The following ULK1 variants were observed in gnomAD, a reference collection of about 807,000 sequenced individuals.
ULK1 encodes unc-51 like autophagy activating kinase 1.
A neutral mutation model predicts 117.5 loss-of-function variants in ULK1; 48 were observed. That is an observed-to-expected ratio of 0.41 (90% CI 0.32 to 0.52). ULK1 has a LOEUF of 0.52. Among genes scored for constraint, ULK1 ranks in the 20% least tolerant of loss-of-function variants. The pLI is 0.29. For missense variants in ULK1, 1,387 were observed against 1,473.4 expected (o/e 0.94, Z 0.96); for synonymous variants, 790 against 637.8 (o/e 1.24, Z -3.60).
At position 131,920,010 on chromosome 12, in the gene ULK1, C is replaced by T. The variant is rs371956747; in HGVS notation, c.2835C>T (p.Ala945=). 9.3e-6 allele frequency: 15 copies of T among 1,612,850 alleles called. No homozygotes were observed. The highest frequency in any genetic ancestry group is 1.1e-5 in the Non-Finnish European group (13 of 1,179,956). The part of the protein sequence containing the change: ...VVRRLNELYK[A]SVVSCQGLSL... ...GCAGGCTGAATGAGCTGTACAAGGC[C>T]AGCGTGGTGTCCTGCCAGGGCCTGA... Residue 945 remains alanine (A), a synonymous_variant, in exon 26 of 28, where the codon GCC becomes GCT. Transcript: ENST00000321867.
Position 131,915,063 on chromosome 12 carries a change from A to T in ULK1, c.1374-20A>T. ...CAGGGCTGCTGAGGCCTCCCCTCCT[A>T]ATATCTGCCTTGTCTTCAGGTCCTC... On this transcript the variant is annotated intron_variant, in intron 16 of 27. Coordinates refer to ENST00000321867, the MANE Select transcript of ULK1 (RefSeq NM_003565.4). The T allele has an allele frequency of 1.3e-6, 2 of 1,524,776 alleles. No homozygotes were observed. Among genetic ancestry groups the T allele is most frequent in the African/African-American group, 2.8e-5 (2 of 72,186 alleles). The allele number at this position is 1,524,776 out of a possible 1,614,324, so 94.5% of individuals were successfully genotyped here.
intron 26 of ULK1, 123 bp from the exon 27 acceptor site, chr12:131,920,977 C>T: frequency 7.5e-7 from 1 of 1,340,968 alleles, no homozygotes. Context: ...GCACTTATGT[C>T]TCCACGTCAC....
At chr12:131,910,153 G>T (rs1189386636) in intron 10 of ULK1, 101 bp from the exon 11 acceptor site, 3 of 1,577,506 alleles carry the variant, frequency 1.9e-6, no homozygotes, top group Non-Finnish European at 2.6e-6. Flanking sequence ...CCTCCGCCCG[G>T]GCAGGTGCCC....
chr12:131,894,972 C>G lies in ULK1; in HGVS notation c.-30C>G. 8.3e-7 allele frequency: 1 copy of G among 1,209,954 alleles called. No individual in the cohort carries two copies. Among genetic ancestry groups the G allele is most frequent in the South Asian group, 2.0e-5 (1 of 50,602 alleles). The allele number at this position is 1,209,954 out of a possible 1,614,324, so 75.0% of individuals were successfully genotyped here. ...TCCCCCGCGCCTTGGCCCGCCACCC[C>G]CCGCCCCGCGCCCCCGGCCCGCCTG... On this transcript the variant is annotated 5_prime_UTR_variant, in exon 1 of 28. Coordinates refer to ENST00000321867, the MANE Select transcript of ULK1 (RefSeq NM_003565.4).
intron 18 of ULK1, 91 bp downstream of exon 18, chr12:131,915,512 T>C: frequency 1.4e-6 from 2 of 1,444,608 alleles, no homozygotes; most frequent in Non-Finnish European, 1.9e-6. Flanking sequence ...TCTTTCCAAG[T>C]GAAAAGGAGT....
At chr12:131,910,455 C>A in intron 11 of ULK1, 151 bp downstream of exon 11, 2 of 1,362,050 alleles carry the variant, frequency 1.5e-6, no homozygotes, top group South Asian at 1.2e-5. Context: ...GCTCCTTGCT[C>A]TGCTGCAGCG....
In ULK1 at chr12:131,917,117, A is replaced by ACGGGGGTCGGG. The variant is rs1430092045; in HGVS notation, c.2182+55_2182+56insCGGGGGTCGGG. ...TGGGATGGGGGTCGGAGGCTGTGGGATGGGGGTCGGAGGCTGTGGGATGGG... is the reference window on the plus strand; with the variant it reads ...TGGGATGGGGGTCGGAGGCTGTGGGACGGGGGTCGGGTGGGGGTCGGAGGCTGTGGGATGGG... On this transcript the variant is annotated intron_variant, in intron 21 of 27. Coordinates refer to ENST00000321867, the MANE Select transcript of ULK1 (RefSeq NM_003565.4). 114 of 665,378 alleles carry ACGGGGGTCGGG rather than the reference A, an allele frequency of 1.7e-4. 10 individuals carry two copies. The African/African-American group carries it at 4.2e-3, about 25-fold the overall frequency. 41.2% of individuals were successfully genotyped at this position (665,378 alleles called of 1,614,324 possible). A position where few individuals can be genotyped will look rare whatever the true frequency, so the allele number is the denominator to read the frequency against.
rs751868497 is a variant in ULK1 at position 131,920,104 on chromosome 12, G to A, written c.2929G>A (p.Glu977Lys). 5 of 1,612,688 alleles carry A rather than the reference G, an allele frequency of 3.1e-6. No individual in the cohort carries two copies. Among genetic ancestry groups the A allele is most frequent in the South Asian group, 2.2e-5 (2 of 91,084 alleles). Residue 977 changes from glutamate to lysine, a missense_variant, in exon 26 of 28, where the codon GAG (glutamate) becomes AAG (lysine). Around this residue, in one of 4 missense-constraint regions of ULK1, gnomAD observed 900 missense variants for 858.9 expected, o/e 1.05. Transcript: ENST00000321867. ...LLDRIHSITA[E>K]RLIFSHAVQM... ...GGACCGCATTCACAGCATCACTGCC[G>A]AGAGGCTCATCTTCAGCCACGCTGT...
At position 131,915,208 on chromosome 12, in the gene ULK1, G is replaced by T. The variant is rs748026203; in HGVS notation, c.1499G>T (p.Arg500Leu). The change falls in exon 17 of 28, where the codon CGG becomes CTG. Residue 500 changes from arginine to leucine, a missense_variant. By Grantham distance (102) the Arg-to-Leu change is moderately radical. Transcript: ENST00000321867. ...AGGAAGATGTCTCTGGGTGGAGGCC[G>T]GCCCTACACGCCATCTCCTCAAGGT... ...LARKMSLGGGRPYTPSPQVGT... is the reference protein window; with the variant it reads ...LARKMSLGGGLPYTPSPQVGT... 1 of 1,599,444 alleles carries T rather than the reference G, an allele frequency of 6.3e-7. No individual in the cohort carries two copies. The highest frequency in any genetic ancestry group is 1.3e-5 in the African/African-American group (1 of 74,762).
intron 3 of ULK1, chr12:131,897,437 A>G (rs1247673455): frequency 6.6e-6 from 1 of 152,136 alleles, no homozygotes; most frequent in Non-Finnish European, 1.5e-5. Context: ...TTTCCGGGCC[A>G]CCGGGGACAG....
intron 3 of ULK1, among the ~76,000 whole-genome samples, chr12:131,900,351 A>G (rs1488617173): frequency 6.6e-6 from 1 of 151,920 alleles, no homozygotes; most frequent in Non-Finnish European, 1.5e-5. Flanking sequence ...GGTTTTGTGT[A>G]TTGGGTTTCT....
rs1215499109 is a variant in ULK1 at position 131,908,883 on chromosome 12, G to T, written c.491-15G>T. 1 of 1,609,402 alleles carries T rather than the reference G, an allele frequency of 6.2e-7. No individual in the cohort carries two copies. Among genetic ancestry groups the T allele is most frequent in the Non-Finnish European group, 8.5e-7 (1 of 1,179,628 alleles). The stretch of plus-strand genomic sequence containing the variant: ...CTCCGGGGCCGGCGCCGGTCCTGAC[G>T]CTTCTCTCCCGCAGCTGACTTCGGC... On this transcript the variant is annotated splice_polypyrimidine_tract_variant and intron_variant, in intron 6 of 27. Coordinates refer to ENST00000321867, the MANE Select transcript of ULK1 (RefSeq NM_003565.4).
chr12:131,900,191 T>C (rs895816023), intron 3 of ULK1, among the ~76,000 whole-genome samples: 11 of 151,574 alleles, frequency 7.3e-5, no homozygotes, highest in Non-Finnish European at 1.5e-4. Context: ...GAACTGTGCC[T>C]GCCACTTTGT....
chr12:131,918,450 C>T (rs762762620), intron 22 of ULK1, 47 bp from the exon 23 acceptor site: 20 of 1,564,626 alleles, frequency 1.3e-5, no homozygotes, highest in East Asian at 2.3e-5. Context: ...ATGGGGGCCA[C>T]GGTGTCTGCT....
chr12:131,898,502 G>A (rs1888962182), intron 3 of ULK1, among the ~76,000 whole-genome samples: 1 of 151,956 alleles, frequency 6.6e-6, no homozygotes, highest in African/African-American at 2.4e-5. Flanking sequence ...TTATGGTTTT[G>A]CTTTTCTTTT....
intron 4 of ULK1, 28 bp downstream of exon 4, chr12:131,906,952 T>C: frequency 1.2e-6 from 2 of 1,613,946 alleles, no homozygotes; most frequent in Admixed American, 1.7e-5. Context: ...CCAGGACAAG[T>C]GCAGGCTGAT....
In ULK1 at chr12:131,908,961, C is replaced by T; in HGVS notation, c.554C>T (p.Pro185Leu). ...ATGGCGGCCACACTCTGCGGCTCCC[C>T]CATGTACATGGTGTGTTTACCTTGG... The part of the protein sequence containing the change: ...NMMAATLCGS[P>L]MYMAPEVIMS... Residue 185 changes from proline to leucine, a missense_variant, in exon 7 of 28, where the codon CCC becomes CTC. By Grantham distance (98) the Pro-to-Leu change is moderately conservative. Coordinates refer to ENST00000321867, the MANE Select transcript of ULK1 (RefSeq NM_003565.4). 6.2e-7 allele frequency: 1 copy of T among 1,612,838 alleles called. No homozygotes were observed. Among genetic ancestry groups the T allele is most frequent in the Non-Finnish European group, 8.5e-7 (1 of 1,179,874 alleles).
Position 131,920,115 on chromosome 12 carries a change from C to T in ULK1, c.2940C>T (p.Ile980=), listed in dbSNP as rs760328471. Residue 980 remains isoleucine (I), a synonymous_variant, in exon 26 of 28, where the codon ATC becomes ATT. Transcript: ENST00000321867. The part of the protein sequence containing the change: ...RIHSITAERL[I]FSHAVQMVQS... ...ACAGCATCACTGCCGAGAGGCTCAT[C>T]TTCAGCCACGCTGTGCAGATGGTAC... is the stretch of plus-strand genomic sequence containing the variant. 6.2e-6 allele frequency: 10 copies of T among 1,612,794 alleles called. No homozygotes were observed. The highest frequency in any genetic ancestry group is 5.3e-5 in the African/African-American group (4 of 75,054).
intron 18 of ULK1, 79 bp from the exon 19 acceptor site, chr12:131,915,812 G>A: frequency 1.3e-6 from 2 of 1,575,340 alleles, no homozygotes; most frequent in Non-Finnish European, 8.6e-7. Flanking sequence ...TCTACCCCAA[G>A]GGGCTCCGTG....
Sources: gnomAD v4.1 joint callset for allele counts (sites outside exome capture counted in the v4.1 genomes callset) on GRCh38, gnomAD v4.1.1 for gene constraint, gnomAD v4.1.1 regional missense constraint, MANE v1.5 for transcripts, NCBI Gene and HGNC (gene_info 2026-07-23, HGNC 2026-07-21) for gene names.